Variants in PRKN observed in about 807,000 individuals in gnomAD.
The protein encoded by PRKN is E3 ubiquitin-protein ligase parkin.
PRKN carries 56 observed loss-of-function variants against 59.5 expected under a neutral mutation model. That is an observed-to-expected ratio of 0.94 (90% CI 0.76 to 1.18). The LOEUF is 1.18. Ranked by LOEUF, PRKN falls within the 50% of genes most tolerant of loss-of-function variation. The pLI, the probability that PRKN is intolerant of heterozygous loss-of-function variation, is 0.00. For synonymous variants in PRKN, 250 were observed against 222.1 expected (o/e 1.13, Z -1.12); for missense variants, 657 against 596.4 (o/e 1.10, Z -1.06).
intron 1 of PRKN, among the ~76,000 whole-genome samples, chr6:162,667,484 G>A (rs967248877): frequency 2.6e-5 from 4 of 151,996 alleles, no homozygotes; most frequent in Non-Finnish European, 5.9e-5. Context: ...CACTTTGAAA[G>A]TCTGTCAAAA....
In PRKN at chr6:161,379,487, C is replaced by T. The variant is rs568048343; in HGVS notation, c.1167+7307G>A. ...AGGCAGTGCAAGGGGCAGACGACAG[C>T]AGATGCTGTGAGGCTGGCCAGACCC... is the stretch of plus-strand genomic sequence containing the variant. On this transcript the variant is annotated intron_variant, in intron 10 of 11. Transcript: ENST00000366898. This position sits in a 1 kb window ranked among gnomAD's most constrained non-coding sequence, Gnocchi z 4.9. Among the ~76,000 whole-genome samples the T allele has an allele frequency of 3.9e-4, 59 of 152,344 alleles. No individual in the cohort carries two copies. The highest frequency in any genetic ancestry group is 1.4e-3 in the African/African-American group (58 of 41,574).
At chr6:161,839,434 C>T (rs754371973) in intron 6 of PRKN, among the ~76,000 whole-genome samples, 15 of 152,088 alleles carry the variant, frequency 9.9e-5, no homozygotes, top group Non-Finnish European at 1.3e-4. Flanking sequence ...TCTCAAACCA[C>T]CCTGACGTTC....
intron 1 of PRKN, among the ~76,000 whole-genome samples, chr6:162,635,091 C>A (rs929808507): frequency 6.6e-5 from 10 of 152,114 alleles, no homozygotes; most frequent in African/African-American, 2.4e-4. Context: ...TATCTTTTTA[C>A]TTGACTTGAT....
chr6:161,363,920 G>A lies in PRKN; in HGVS notation c.1168-3715C>T, dbSNP rs1785081966. On this transcript the variant is annotated intron_variant, in intron 10 of 11. Transcript: ENST00000366898. This position sits in a 1 kb window ranked among gnomAD's most constrained non-coding sequence, Gnocchi z 4.1. ...CACGCCTGTAATCCAAGCACTTTGG[G>A]AGGCCAAGGCAGGCGGATCATGAGG... 6.6e-6 allele frequency among the ~76,000 whole-genome samples: 1 copy of A among 152,174 alleles called. No homozygotes were observed. The highest frequency in any genetic ancestry group is 1.5e-5 in the Non-Finnish European group (1 of 68,032).
intron 1 of PRKN, among the ~76,000 whole-genome samples, chr6:162,586,772 AAGAG>A (rs371112110): frequency 3.3e-5 from 5 of 152,270 alleles, no homozygotes; most frequent in South Asian, 2.1e-4. Flanking sequence ...GACACAGAAA[AAGAG>A]AGAGAGAGAC....
chr6:161,612,718 C>CAAAAAA (rs57084261), intron 7 of PRKN, among the ~76,000 whole-genome samples: 6 of 59,614 alleles, frequency 1.0e-4, no homozygotes, highest in Non-Finnish European at 1.5e-4. Flanking sequence ...GACTCCATCT[C>CAAAAAA]AAAAAAAAAA....
intron 1 of PRKN, among the ~76,000 whole-genome samples, chr6:162,573,738 T>C (rs1156408367): frequency 2.6e-5 from 4 of 152,218 alleles, no homozygotes; most frequent in African/African-American, 9.6e-5. Flanking sequence ...CTCTTATTTG[T>C]ACAAACGTGA....
At chr6:161,563,788 T>G (rs1780539786) in intron 8 of PRKN, among the ~76,000 whole-genome samples, 1 of 152,158 alleles carries the variant, frequency 6.6e-6, no homozygotes, top group African/African-American at 2.4e-5. Context: ...AGTAATGAAT[T>G]AGTAATTAAC....
chr6:162,073,808 G>A (rs1015540732), intron 4 of PRKN, among the ~76,000 whole-genome samples: 1 of 152,170 alleles, frequency 6.6e-6, no homozygotes, highest in Non-Finnish European at 1.5e-5. Context: ...ACAAAAACGT[G>A]TTTGGTATCA....
chr6:162,642,724 TTA>T (rs1356493195), intron 1 of PRKN, among the ~76,000 whole-genome samples: 1 of 151,730 alleles, frequency 6.6e-6, no homozygotes, highest in African/African-American at 2.4e-5. Context: ...CATAGAAAAG[TTA>T]TATAACTTTT....
At chr6:161,532,323 A>T (rs1326968423) in intron 9 of PRKN, among the ~76,000 whole-genome samples, 2 of 152,128 alleles carry the variant, frequency 1.3e-5, no homozygotes, top group African/African-American at 4.8e-5. Context: ...GCAAAAAAAT[A>T]ACTTTTTCAT....
chr6:161,874,960 TATAATATATAATTTATTATA>T (rs1794646270), intron 6 of PRKN, among the ~76,000 whole-genome samples: 1 of 87,244 alleles, frequency 1.1e-5, no homozygotes, highest in South Asian at 3.6e-4. Flanking sequence ...GTACTTTATA[TATAATATATAATTTATTATA>T]TTATATACTT....
chr6:161,782,829 G>A (rs1790264413), intron 7 of PRKN, among the ~76,000 whole-genome samples: 1 of 152,038 alleles, frequency 6.6e-6, no homozygotes, highest in African/African-American at 2.4e-5. Flanking sequence ...GGGAGGCCAA[G>A]GTTGCAGTGA....
In PRKN at chr6:161,678,145, A is replaced by G. The variant is rs553634416; in HGVS notation, c.871+107627T>C. ...TTACTCTTTAAAGTAAGAGTCAAGA[A>G]ATAAAAGACATTTATTTGGGCTTAG... is the stretch of plus-strand genomic sequence containing the variant. On this transcript the variant is annotated intron_variant, in intron 7 of 11. Transcript: ENST00000366898. 5.3e-5 allele frequency among the ~76,000 whole-genome samples: 8 copies of G among 152,018 alleles called. No homozygotes were observed. The South Asian group carries it at 1.7e-3, about 32-fold the overall frequency.
At chr6:162,080,294 A>G (rs1779003962) in intron 4 of PRKN, among the ~76,000 whole-genome samples, 1 of 152,138 alleles carries the variant, frequency 6.6e-6, no homozygotes. Flanking sequence ...TAGGTGTAAA[A>G]TAAGAAATAG....
chr6:161,512,502 G>A (rs982838608), intron 9 of PRKN, among the ~76,000 whole-genome samples: 1 of 152,206 alleles, frequency 6.6e-6, no homozygotes. Context: ...CACCTTTGAC[G>A]TGCTAACAAC....
intron 4 of PRKN, among the ~76,000 whole-genome samples, chr6:162,192,610 G>A (rs1018530121): frequency 1.3e-5 from 2 of 150,234 alleles, no homozygotes; most frequent in African/African-American, 2.4e-5. Flanking sequence ...ATGCTACCAC[G>A]CCCAGCTAAT....
intron 4 of PRKN, among the ~76,000 whole-genome samples, chr6:162,120,897 T>C (rs896053076): frequency 8.5e-5 from 13 of 152,188 alleles, no homozygotes; most frequent in Admixed American, 5.9e-4. Flanking sequence ...CACAAAGCAG[T>C]TGGACTTAGA....
In PRKN at chr6:161,508,285, C is replaced by T. The variant is rs1375960801; in HGVS notation, c.1083+40569G>A. ...TCACTAAAATCAGATTCAAGACCTT[C>T]TATAAATCTGTAGACTCAAAGGAAT... is the stretch of plus-strand genomic sequence containing the variant. On this transcript the variant is annotated intron_variant, in intron 9 of 11. Transcript: ENST00000366898. Among the ~76,000 whole-genome samples the T allele has an allele frequency of 2.0e-5, 3 of 152,302 alleles. 1 individual carries two copies. Among genetic ancestry groups the T allele is most frequent in the African/African-American group, 7.2e-5 (3 of 41,568 alleles).
Sources: gnomAD v4.1 joint callset for allele counts (sites outside exome capture counted in the v4.1 genomes callset) on GRCh38, gnomAD v4.1.1 for gene constraint, Gnocchi (gnomAD v3.1) non-coding constraint, MANE v1.5 for transcripts, NCBI Gene and HGNC (gene_info 2026-07-23, HGNC 2026-07-21) for gene names.